Variants in CYP19A1 observed in about 807,000 individuals in gnomAD.
CYP19A1 encodes the protein aromatase.
Under a neutral mutation model 44.4 loss-of-function variants are expected in CYP19A1, and 32 were observed. The observed-to-expected ratio is 0.72, with a 90% CI of 0.54 to 0.97. The LOEUF (loss-of-function observed/expected upper bound fraction) is 0.97. CYP19A1 is among the 50% of genes least tolerant of loss of function. The pLI is 0.00. For missense variants in CYP19A1, 598 were observed against 637.8 expected, an observed-to-expected ratio of 0.94 and a Z score of 0.67; for synonymous variants, 212 against 215.6, an observed-to-expected ratio of 0.98 and a Z score of 0.14.
At chr15:51,239,808 T>C (rs1165617495) in intron 2 of CYP19A1, among the ~76,000 whole-genome samples, 2 of 152,332 alleles carry the variant, frequency 1.3e-5, no homozygotes, top group African/African-American at 4.8e-5. Context: ...TCCAGTTTTC[T>C]GTGAAATATT....
intron 1 of CYP19A1, among the ~76,000 whole-genome samples, chr15:51,247,332 A>G (rs545166697): frequency 6.1e-4 from 93 of 152,190 alleles, no homozygotes; most frequent in African/African-American, 1.9e-3. Context: ...TGTCTTCTCC[A>G]TGTCTGAAGC....
In CYP19A1 at chr15:51,222,456, C is replaced by A. The variant is rs369622071; in HGVS notation, c.521G>T (p.Arg174Met). Residue 174 changes from arginine to methionine, a missense_variant, in exon 5 of 10, where the codon AGG (arginine) becomes ATG (methionine). Physicochemically the swap from Arg to Met is moderately conservative, Grantham distance 91. Coordinates refer to ENST00000396402, the MANE Select transcript of CYP19A1 (RefSeq NM_000103.4). ...CAESLKTHLD[R>M]LEEVTNESGY... is the part of the protein sequence containing the mutation. ...CGATTCATTGGTCACCTCCTCCAAC[C>A]TGTCCAGATGTGTTTTGAGGGATTC... 6.2e-7 allele frequency: 1 copy of A among 1,614,040 alleles called. No homozygotes were observed. Among genetic ancestry groups the A allele is most frequent in the Non-Finnish European group, 8.5e-7 (1 of 1,180,012 alleles).
intron 1 of CYP19A1, among the ~76,000 whole-genome samples, chr15:51,323,096 T>C (rs1275343718): frequency 1.3e-5 from 2 of 152,232 alleles, no homozygotes; most frequent in African/African-American, 4.8e-5. Context: ...ACCTACTGCC[T>C]TCTTCCTGTT....
At chr15:51,335,163 G>A (rs1216581226) in intron 1 of CYP19A1, among the ~76,000 whole-genome samples, 1 of 151,876 alleles carries the variant, frequency 6.6e-6, no homozygotes, top group Non-Finnish European at 1.5e-5. Flanking sequence ...GAAAGGTGGA[G>A]TGGGGTGGGG....
At chr15:51,225,786 A>C (rs1287839786) in intron 4 of CYP19A1, among the ~76,000 whole-genome samples, 1 of 152,096 alleles carries the variant, frequency 6.6e-6, no homozygotes, top group East Asian at 1.9e-4. Context: ...GGGTGGGCCA[A>C]ACCTAATCAT....
chr15:51,283,134 G>GA (rs916711841), intron 1 of CYP19A1, among the ~76,000 whole-genome samples: 16 of 150,592 alleles, frequency 1.1e-4, no homozygotes, highest in African/African-American at 3.7e-4. Flanking sequence ...GGTAGATTCA[G>GA]ATGAGGAAGA....
Position 51,248,995 on chromosome 15 carries a change from AGT to A in CYP19A1, c.-38-6047_-38-6046del, listed in dbSNP as rs2034190435. ...CACCCAGGCTGGAGTGCTGGAGTGC[AGT>A]GATGCGATCTTGACTCACTGCAACC... On this transcript the variant is annotated intron_variant, in intron 1 of 9. Coordinates refer to ENST00000396402, the MANE Select transcript of CYP19A1 (RefSeq NM_000103.4). 2.0e-5 allele frequency among the ~76,000 whole-genome samples: 3 copies of A among 149,776 alleles called. No individual in the cohort carries two copies. The Admixed American group carries it at 2.0e-4, about 10-fold the overall frequency.
chr15:51,283,584 G>GC (rs1302955967), intron 1 of CYP19A1, among the ~76,000 whole-genome samples: 2 of 152,176 alleles, frequency 1.3e-5, no homozygotes, highest in Non-Finnish European at 2.9e-5. Flanking sequence ...GAAAGAATAT[G>GC]CCCCATTTCT....
At chr15:51,289,010 C>G (rs1054340517) in intron 1 of CYP19A1, among the ~76,000 whole-genome samples, 4 of 152,194 alleles carry the variant, frequency 2.6e-5, no homozygotes, top group Admixed American at 6.5e-5. Flanking sequence ...TGATGGTGAA[C>G]TAAGTGCGGG....
intron 3 of CYP19A1, among the ~76,000 whole-genome samples, chr15:51,234,360 G>A (rs2033242349): frequency 6.6e-6 from 1 of 152,188 alleles, no homozygotes. Context: ...GTGTGGGTGG[G>A]TTGTGGCTGC....
At chr15:51,306,880 A>G (rs566858895) in intron 1 of CYP19A1, among the ~76,000 whole-genome samples, 16 of 152,362 alleles carry the variant, frequency 1.1e-4, no homozygotes, top group African/African-American at 2.9e-4. Context: ...ATGACTGTCC[A>G]TCAGTGGTGA....
chr15:51,331,679 A>G (rs2036704087), intron 1 of CYP19A1, among the ~76,000 whole-genome samples: 1 of 152,182 alleles, frequency 6.6e-6, no homozygotes, highest in African/African-American at 2.4e-5. Flanking sequence ...GAAATCACAC[A>G]TGGCTTTACT....
At chr15:51,279,063 C>T (rs536751189) in intron 1 of CYP19A1, 2 of 152,332 alleles carry the variant, frequency 1.3e-5, no homozygotes, top group East Asian at 1.9e-4. Context: ...CTCCATAACA[C>T]ACCTCCTTCC....
chr15:51,232,814 C>T (rs191420757), intron 3 of CYP19A1, among the ~76,000 whole-genome samples: 2 of 152,308 alleles, frequency 1.3e-5, no homozygotes, highest in East Asian at 3.9e-4. Flanking sequence ...CCTCTTGCAC[C>T]TATTCTCAAC....
At chr15:51,332,326 G>A (rs1406697393) in intron 1 of CYP19A1, among the ~76,000 whole-genome samples, 1 of 152,146 alleles carries the variant, frequency 6.6e-6, no homozygotes, top group Non-Finnish European at 1.5e-5. Context: ...CCCCCAGCAT[G>A]AGGCCTTTAG....
chr15:51,222,715 A>G (rs868087403), intron 4 of CYP19A1, among the ~76,000 whole-genome samples, 190 bp from the exon 5 acceptor site: 3 of 152,310 alleles, frequency 2.0e-5, no homozygotes, highest in Middle Eastern at 6.8e-3. Context: ...GTACTATCCT[A>G]TGGTTAAGAA....
At chr15:51,240,881 C>G (rs1200994687) in intron 2 of CYP19A1, among the ~76,000 whole-genome samples, 2 of 152,164 alleles carry the variant, frequency 1.3e-5, no homozygotes, top group Non-Finnish European at 2.9e-5. Context: ...GCTTCTCATG[C>G]TTGTCATAGT....
At chr15:51,302,717 T>C (rs768753454) in intron 1 of CYP19A1, among the ~76,000 whole-genome samples, 4 of 152,240 alleles carry the variant, frequency 2.6e-5, no homozygotes, top group Non-Finnish European at 5.9e-5. Flanking sequence ...CTGCCATCTT[T>C]CGAGGTCCAG....
At chr15:51,301,367 A>G (rs1055974399) in intron 1 of CYP19A1, among the ~76,000 whole-genome samples, 8 of 152,246 alleles carry the variant, frequency 5.3e-5, no homozygotes, top group African/African-American at 1.2e-4. Flanking sequence ...AGTTAGATCA[A>G]TTTAGCCTTT....
Sources: allele counts gnomAD v4.1 joint callset (sites outside exome capture counted in the v4.1 genomes callset), GRCh38; gene constraint gnomAD v4.1.1; transcripts MANE v1.5; gene names NCBI Gene and HGNC (gene_info 2026-07-23, HGNC 2026-07-21).